SLC35F1: variants seen among roughly 807,000 people sequenced by gnomAD.
SLC35F1 encodes the protein solute carrier family 35 member F1.
In SLC35F1, 14 loss-of-function variants were observed where a neutral mutation model predicts 48.7. The ratio of observed to expected loss-of-function variants is 0.29; its 90% CI spans 0.19 to 0.45. The LOEUF (loss-of-function observed/expected upper bound fraction) is 0.45. SLC35F1 is among the 20% of genes least tolerant of loss of function. The pLI, the probability that SLC35F1 is intolerant of heterozygous loss-of-function variation, is 1.00. For missense variants in SLC35F1, 404 were observed against 500.0 expected, an observed-to-expected ratio of 0.81 and a Z score of 1.83; for synonymous variants, 190 against 202.2, an observed-to-expected ratio of 0.94 and a Z score of 0.51.
At chr6:118,064,111 C>T (rs1376269371) in intron 1 of SLC35F1, among the ~76,000 whole-genome samples, 1 of 152,178 alleles carries the variant, frequency 6.6e-6, no homozygotes, top group Non-Finnish European at 1.5e-5. Flanking sequence ...TCACATCTTA[C>T]ATGGATGGTA....
chr6:118,194,171 G>T (rs1274175009), intron 2 of SLC35F1, among the ~76,000 whole-genome samples: 1 of 152,116 alleles, frequency 6.6e-6, no homozygotes, highest in African/African-American at 2.4e-5. Context: ...TGGATTACTG[G>T]ATTTAGAGTG....
chr6:118,257,957 G>A lies in SLC35F1; in HGVS notation c.478-9038G>A, dbSNP rs371718855. ...TTCATCCATGTTGCAGAGCATATAA[G>A]TCAGAAAACATAAAATACCATAATG... On this transcript the variant is annotated intron_variant, in intron 3 of 7. Coordinates refer to ENST00000360388, the MANE Select transcript of SLC35F1 (RefSeq NM_001029858.4). Among the ~76,000 whole-genome samples the A allele has an allele frequency of 4.6e-5, 7 of 152,186 alleles. No homozygotes were observed. The South Asian group carries it at 8.3e-4, about 18-fold the overall frequency.
intron 6 of SLC35F1, among the ~76,000 whole-genome samples, chr6:118,278,372 C>T (rs763371730): frequency 3.1e-4 from 47 of 152,320 alleles, no homozygotes; most frequent in Non-Finnish European, 5.7e-4. Context: ...CCATCTCCCC[C>T]TTATATGACC....
rs541445901 is a variant in SLC35F1, at chr6:118,021,009, G to A, written c.173+113110G>A. ...AAGTGGGAAATAAGGAATTATCACA[G>A]GCTTTTACATGGGGACATAATTAAA... On this transcript the variant is annotated intron_variant, in intron 1 of 7. Coordinates refer to ENST00000360388, the MANE Select transcript of SLC35F1 (RefSeq NM_001029858.4). Among the ~76,000 whole-genome samples the A allele has an allele frequency of 1.4e-4, 22 of 152,262 alleles. 1 individual carries two copies. In the East Asian group the frequency reaches 4.3e-3, roughly 29 times the overall value.
At chr6:117,920,476 C>G (rs1775884030) in intron 1 of SLC35F1, among the ~76,000 whole-genome samples, 1 of 152,190 alleles carries the variant, frequency 6.6e-6, no homozygotes, top group Admixed American at 6.5e-5. Context: ...TTTTTAACTA[C>G]TTGCGGAGAA....
intron 1 of SLC35F1, among the ~76,000 whole-genome samples, chr6:118,125,399 C>T (rs984769333): frequency 9.3e-5 from 14 of 151,206 alleles, no homozygotes; most frequent in African/African-American, 3.4e-4. Flanking sequence ...CAGATACTTA[C>T]TATAGACGTA....
intron 1 of SLC35F1, among the ~76,000 whole-genome samples, chr6:117,936,118 C>T (rs1011067299): frequency 6.6e-6 from 1 of 152,186 alleles, no homozygotes; most frequent in Non-Finnish European, 1.5e-5. Context: ...CTTGCTTACT[C>T]ACCTGTAAAT....
chr6:118,058,218 C>T (rs773810250), intron 1 of SLC35F1, among the ~76,000 whole-genome samples: 19 of 151,886 alleles, frequency 1.3e-4, no homozygotes, highest in East Asian at 1.9e-4. Context: ...CTTTTTTAAG[C>T]GACTATGGTA....
At chr6:118,279,245 C>T (rs906577801) in intron 6 of SLC35F1, among the ~76,000 whole-genome samples, 2 of 152,164 alleles carry the variant, frequency 1.3e-5, no homozygotes, top group Non-Finnish European at 2.9e-5. Context: ...ACATTGCATG[C>T]ATGTATCAAA....
At chr6:118,015,096 C>G (rs183117269) in intron 1 of SLC35F1, among the ~76,000 whole-genome samples, 133 of 152,310 alleles carry the variant, frequency 8.7e-4, no homozygotes, top group Non-Finnish European at 1.3e-3. Context: ...CTCTCATTCT[C>G]TCTTCCCTGT....
intron 1 of SLC35F1, among the ~76,000 whole-genome samples, chr6:117,963,961 C>A (rs1314458840): frequency 1.3e-5 from 2 of 152,252 alleles, no homozygotes; most frequent in East Asian, 1.9e-4. Context: ...TATCCTGATG[C>A]TCTCCCTTCC....
Position 118,167,806 on chromosome 6 carries a change from G to T in SLC35F1, c.349+13186G>T, listed in dbSNP as rs1774340882. 2.0e-5 allele frequency among the ~76,000 whole-genome samples: 3 copies of T among 152,190 alleles called. No individual in the cohort carries two copies. The South Asian group carries it at 6.2e-4, about 32-fold the overall frequency. On this transcript the variant is annotated intron_variant, in intron 2 of 7. Coordinates refer to ENST00000360388, the MANE Select transcript of SLC35F1 (RefSeq NM_001029858.4). ...TGTTATGATAGCTATGACATCACTA[G>T]GCAGTAGGAATTTCTCAGCTCCACT...
chr6:117,923,514 C>T (rs74841426), intron 1 of SLC35F1, among the ~76,000 whole-genome samples: 97,903 of 143,460 alleles, frequency 0.68, 34,486 homozygotes, highest in South Asian at 0.88. Flanking sequence ...TATACACATA[C>T]ATGTGTATAT....
Position 118,267,003 on chromosome 6 carries a change from C to G in SLC35F1, c.486C>G (p.Asp162Glu). 6.2e-7 allele frequency: 1 copy of G among 1,613,920 alleles called. No individual in the cohort carries two copies. The highest frequency in any genetic ancestry group is 1.1e-5 in the South Asian group (1 of 91,056). ...TTCATCCCTCCCAATAGCTCCTGGA[C>G]TGTTTTGTGATCCCAGTCGTGATTT... ...YTTLTSIQLL[D>E]CFVIPVVILL... The change falls in exon 4 of 8, where the codon GAC becomes GAG. Residue 162 changes from aspartate to glutamate, a missense_variant. Asp to Glu is a conservative substitution (Grantham distance 45). Transcript: ENST00000360388.
At chr6:118,141,135 G>A (rs760248352) in intron 1 of SLC35F1, among the ~76,000 whole-genome samples, 9 of 152,136 alleles carry the variant, frequency 5.9e-5, no homozygotes, top group Non-Finnish European at 1.2e-4. Flanking sequence ...CTCACTCACT[G>A]ACTCAAGCAG....
intron 1 of SLC35F1, among the ~76,000 whole-genome samples, chr6:117,919,909 T>TA (rs761031151): frequency 2.2e-3 from 338 of 152,246 alleles, no homozygotes; most frequent in Non-Finnish European, 3.4e-3. Context: ...AGGAAAGGGT[T>TA]AGTGCCTCTT....
intron 1 of SLC35F1, among the ~76,000 whole-genome samples, chr6:117,956,510 G>A (rs1776430615): frequency 6.6e-6 from 1 of 152,172 alleles, no homozygotes; most frequent in South Asian, 2.1e-4. Flanking sequence ...GCTTTACTAG[G>A]CAACGCGGGG....
chr6:118,251,446 A>C (rs965499944), intron 3 of SLC35F1, among the ~76,000 whole-genome samples: 2 of 152,088 alleles, frequency 1.3e-5, no homozygotes, highest in African/African-American at 4.8e-5. Context: ...AAAACTAACA[A>C]CTCTTGTATA....
chr6:118,052,785 T>A (rs984419372), intron 1 of SLC35F1, among the ~76,000 whole-genome samples: 1 of 152,198 alleles, frequency 6.6e-6, no homozygotes, highest in African/African-American at 2.4e-5. Flanking sequence ...ATTAGAATTT[T>A]ATGAGAGAAC....
Sources: gnomAD v4.1 joint callset for allele counts (sites outside exome capture counted in the v4.1 genomes callset) on GRCh38, gnomAD v4.1.1 for gene constraint, MANE v1.5 for transcripts, NCBI Gene and HGNC (gene_info 2026-07-23, HGNC 2026-07-21) for gene names.